Variants in TMEM117 observed in about 807,000 individuals in gnomAD.
TMEM117 encodes the protein transmembrane protein 117.
Under a neutral mutation model 52.4 loss-of-function variants are expected in TMEM117, and 27 were observed. The observed-to-expected ratio is 0.51, with a 90% CI of 0.38 to 0.71. The LOEUF is 0.71. Among genes scored for constraint, TMEM117 ranks in the 30% least tolerant of loss-of-function variants. The pLI, the probability that TMEM117 is intolerant of heterozygous loss-of-function variation, is 0.00. For synonymous variants in TMEM117, 215 were observed against 206.3 expected, an observed-to-expected ratio of 1.04 and a Z score of -0.36; for missense variants, 556 against 630.5, an observed-to-expected ratio of 0.88 and a Z score of 1.26.
At chr12:44,172,818 G>A (rs1316304821) in intron 4 of TMEM117, among the ~76,000 whole-genome samples, 8 of 151,902 alleles carry the variant, frequency 5.3e-5, no homozygotes. Context: ...TCTGTCTCCT[G>A]GGTTCAAGTG....
At chr12:43,916,738 C>T (rs1349920988) in intron 2 of TMEM117, among the ~76,000 whole-genome samples, 2 of 152,108 alleles carry the variant, frequency 1.3e-5, no homozygotes, top group Non-Finnish European at 2.9e-5. Flanking sequence ...GTTACTGGGA[C>T]TAAAAAATTA....
chr12:44,241,655 C>A (rs557542882), intron 5 of TMEM117, among the ~76,000 whole-genome samples: 2 of 151,882 alleles, frequency 1.3e-5, no homozygotes, highest in South Asian at 2.1e-4. Flanking sequence ...TGTGTTGAGG[C>A]CTCTGATCCA....
chr12:44,004,595 A>G (rs1946165184), intron 3 of TMEM117, among the ~76,000 whole-genome samples: 1 of 152,094 alleles, frequency 6.6e-6, no homozygotes, highest in Non-Finnish European at 1.5e-5. Flanking sequence ...TTCCTCCCAG[A>G]TCGCTTCCTC....
intron 3 of TMEM117, among the ~76,000 whole-genome samples, chr12:44,072,137 T>G (rs1037846068): frequency 2.0e-5 from 3 of 152,144 alleles, no homozygotes; most frequent in Non-Finnish European, 2.9e-5. Context: ...TCCCATTTAT[T>G]CCAGTTTGGC....
At chr12:43,940,554 T>A (rs1383948547) in intron 2 of TMEM117, among the ~76,000 whole-genome samples, 4 of 152,154 alleles carry the variant, frequency 2.6e-5, no homozygotes, top group Non-Finnish European at 5.9e-5. Context: ...ACACTTTTTT[T>A]TTTTGAGATG....
At chr12:44,262,734 G>A (rs933505098) in intron 5 of TMEM117, among the ~76,000 whole-genome samples, 5 of 152,048 alleles carry the variant, frequency 3.3e-5, no homozygotes, top group Admixed American at 1.3e-4. Flanking sequence ...TTACAGGTGC[G>A]TGCCACCACG....
At chr12:44,344,333 C>T (rs894327044) in intron 6 of TMEM117, among the ~76,000 whole-genome samples, 6 of 152,064 alleles carry the variant, frequency 3.9e-5, no homozygotes, top group African/African-American at 1.2e-4. Flanking sequence ...ATAAGTATGC[C>T]ACTTGTGCAG....
At chr12:44,117,142 C>G (rs575914845) in intron 3 of TMEM117, among the ~76,000 whole-genome samples, 1 of 152,266 alleles carries the variant, frequency 6.6e-6, no homozygotes, top group South Asian at 2.1e-4. Flanking sequence ...ATCAACTAAT[C>G]CCTTAGTTTT....
At chr12:43,817,644 G>A in the TMEM117 span, among the ~76,000 whole-genome samples, 1 of 152,140 alleles carries the variant, frequency 6.6e-6, no homozygotes. Flanking sequence ...AATTATGTTA[G>A]TATATGAACA....
rs1235086113 is a variant in TMEM117 at position 43,961,860 on chromosome 12, T to TG, written c.410+17518_410+17519insG. Among the ~76,000 whole-genome samples the TG allele has an allele frequency of 2.0e-5, 3 of 152,170 alleles. No homozygotes were observed. In the East Asian group the frequency reaches 5.8e-4, roughly 29 times the overall value. On this transcript the variant is annotated intron_variant, in intron 3 of 7. Coordinates refer to ENST00000266534, the MANE Select transcript of TMEM117 (RefSeq NM_032256.3). ...TTTCTAGTCATGGAAAATTGATGTATATTGATAGCCTGAGGTTTCAAGGCT... is the reference window on the plus strand; with the variant it reads ...TTTCTAGTCATGGAAAATTGATGTATGATTGATAGCCTGAGGTTTCAAGGCT...
chr12:44,032,171 C>G (rs1304580590), intron 3 of TMEM117, among the ~76,000 whole-genome samples: 2 of 152,026 alleles, frequency 1.3e-5, no homozygotes. Flanking sequence ...CCATCAAAGC[C>G]AATTTAAAAA....
intron 3 of TMEM117, among the ~76,000 whole-genome samples, chr12:44,114,706 T>A (rs1948105927): frequency 6.6e-6 from 1 of 152,206 alleles, no homozygotes; most frequent in South Asian, 2.1e-4. Flanking sequence ...AGAATCTCTC[T>A]GAGCATCAGG....
intron 4 of TMEM117, among the ~76,000 whole-genome samples, chr12:44,156,672 A>T (rs770817144): frequency 5.3e-5 from 8 of 152,080 alleles, no homozygotes; most frequent in Non-Finnish European, 1.2e-4. Flanking sequence ...ATCAGATATT[A>T]TGGGGTCATA....
At chr12:44,012,146 A>G (rs1946302264) in intron 3 of TMEM117, among the ~76,000 whole-genome samples, 1 of 152,180 alleles carries the variant, frequency 6.6e-6, no homozygotes, top group Non-Finnish European at 1.5e-5. Context: ...TCTGAGGGGA[A>G]GTTGGATATA....
intron 4 of TMEM117, among the ~76,000 whole-genome samples, chr12:44,163,079 T>C (rs546531030): frequency 6.6e-6 from 1 of 152,328 alleles, no homozygotes; most frequent in East Asian, 1.9e-4. Context: ...TTTGAAGAAA[T>C]TGAGCTAGAA....
chr12:43,865,704 GAAAAAAAGA>G (rs1943582419), intron 2 of TMEM117, among the ~76,000 whole-genome samples: 2 of 130,422 alleles, frequency 1.5e-5, no homozygotes, highest in African/African-American at 6.2e-5. Context: ...CCCAAAAAAA[GAAAAAAAGA>G]AAAAAAAAAA....
At chr12:43,859,379 C>A (rs999031309) in intron 2 of TMEM117, among the ~76,000 whole-genome samples, 3 of 152,112 alleles carry the variant, frequency 2.0e-5, no homozygotes, top group African/African-American at 7.2e-5. Context: ...AACTTCAGTG[C>A]AAATTGTGAA....
chr12:44,157,579 A>C (rs1023052681), intron 4 of TMEM117, among the ~76,000 whole-genome samples: 3 of 152,138 alleles, frequency 2.0e-5, no homozygotes, highest in Non-Finnish European at 4.4e-5. Flanking sequence ...AGCCTTTTTA[A>C]AAAAATAATG....
intron 5 of TMEM117, among the ~76,000 whole-genome samples, chr12:44,254,794 G>T (rs191416594): frequency 2.0e-5 from 3 of 151,992 alleles, no homozygotes; most frequent in Non-Finnish European, 4.4e-5. Flanking sequence ...ATCTCCTAAA[G>T]CTATCCCTCC....
Sources: allele counts gnomAD v4.1 joint callset (sites outside exome capture counted in the v4.1 genomes callset), GRCh38; gene constraint gnomAD v4.1.1; transcripts MANE v1.5; gene names NCBI Gene and HGNC (gene_info 2026-07-23, HGNC 2026-07-21).